SGCD: variants seen among roughly 807,000 people sequenced by gnomAD.
SGCD encodes the protein delta-sarcoglycan.
In SGCD, 18 loss-of-function variants were observed where a neutral mutation model predicts 36.6. That is an observed-to-expected ratio of 0.49 (90% confidence interval 0.34 to 0.73). SGCD has a LOEUF of 0.73. SGCD is among the 30% of genes least tolerant of loss of function. The pLI is 0.01. For synonymous variants in SGCD, 133 were observed against 130.6 expected, an observed-to-expected ratio of 1.02 and a Z score of -0.12; for missense variants, 387 against 346.7, an observed-to-expected ratio of 1.12 and a Z score of -0.92.
rs772669913 is a variant in SGCD at position 156,024,422 on chromosome 5, G to T, written c.-281-93456G>T. On this transcript the variant is annotated intron_variant, in intron 1 of 9. Transcript: ENST00000517913. ...AAAGTTAGTGGGGAAAGCAGACACA[G>T]ATAAAATTCAGTTTTTTGCATTTCC... 4.6e-5 allele frequency among the ~76,000 whole-genome samples: 7 copies of T among 151,076 alleles called. No homozygotes were observed. The East Asian group carries it at 1.2e-3, about 25-fold the overall frequency.
chr5:155,785,002 T>A, the SGCD span, among the ~76,000 whole-genome samples: 1 of 152,128 alleles, frequency 6.6e-6, no homozygotes, highest in Non-Finnish European at 1.5e-5. Flanking sequence ...AGTTTGAAGT[T>A]GAATATATCC....
chr5:156,150,677 G>A (rs185738179), intron 3 of SGCD, among the ~76,000 whole-genome samples: 215 of 151,774 alleles, frequency 1.4e-3, no homozygotes, highest in Non-Finnish European at 2.4e-3. Flanking sequence ...TGGCTTCCCC[G>A]CAGTGATCTT....
At chr5:155,727,910 G>A in the SGCD span, among the ~76,000 whole-genome samples, 4 of 152,196 alleles carry the variant, frequency 2.6e-5, no homozygotes, top group Non-Finnish European at 4.4e-5. Context: ...GGAGTGGAGA[G>A]GGGGCTCAAG....
At chr5:156,390,501 C>T (rs77038602) in intron 3 of SGCD, among the ~76,000 whole-genome samples, 4,014 of 152,200 alleles carry the variant, frequency 0.026, 170 homozygotes, top group African/African-American at 0.091. Context: ...GCCATGGCGG[C>T]GGGTGGATCA....
intron 3 of SGCD, among the ~76,000 whole-genome samples, chr5:156,370,502 G>A (rs1426162943): frequency 1.3e-5 from 2 of 152,164 alleles, no homozygotes; most frequent in Admixed American, 1.3e-4. Flanking sequence ...TTCAGAGTTT[G>A]TACATGAAAT....
At chr5:156,002,136 G>A (rs943091796) in intron 1 of SGCD, among the ~76,000 whole-genome samples, 3 of 152,154 alleles carry the variant, frequency 2.0e-5, no homozygotes, top group South Asian at 2.1e-4. Flanking sequence ...TGGAGCTCGC[G>A]TCTTTAAAGA....
chr5:156,124,965 G>T (rs1206300646), intron 3 of SGCD, among the ~76,000 whole-genome samples: 3 of 152,150 alleles, frequency 2.0e-5, no homozygotes, highest in Admixed American at 1.3e-4. Context: ...GCAAGAAAGG[G>T]TCAGGGGCCA....
At chr5:156,717,811 T>TC (rs1561873715) in intron 7 of SGCD, among the ~76,000 whole-genome samples, 1 of 152,068 alleles carries the variant, frequency 6.6e-6, no homozygotes, top group Admixed American at 6.6e-5. Flanking sequence ...ATGTCTTTGC[T>TC]TGGTCTCTCC....
intron 7 of SGCD, among the ~76,000 whole-genome samples, chr5:156,740,717 C>T (rs923744984): frequency 7.2e-5 from 11 of 152,292 alleles, no homozygotes; most frequent in Admixed American, 6.5e-4. Context: ...AGTCAGTCTA[C>T]GTCAATGGTT....
intron 3 of SGCD, among the ~76,000 whole-genome samples, chr5:156,413,036 A>G (rs936892713): frequency 5.6e-4 from 85 of 151,742 alleles, no homozygotes; most frequent in African/African-American, 2.0e-3. Flanking sequence ...TGACCTCATG[A>G]TCCACCTGCC....
rs995095170 is a variant in SGCD at position 156,163,805 on chromosome 5, G to C, written c.-44+39786G>C. The stretch of plus-strand genomic sequence containing the variant: ...GGAGGCCGAGGCGGGTGGATCACAA[G>C]GTCAGGAGATCGAGACCATCCTGGC... On this transcript the variant is annotated intron_variant, in intron 3 of 9. Coordinates refer to the SGCD transcript ENST00000517913. 1.2e-4 allele frequency among the ~76,000 whole-genome samples: 18 copies of C among 151,460 alleles called. 1 individual carries two copies. Among genetic ancestry groups the C allele is most frequent in the African/African-American group, 3.9e-4 (16 of 40,886 alleles).
At chr5:156,009,045 T>A (rs1423367501) in intron 1 of SGCD, among the ~76,000 whole-genome samples, 1 of 152,066 alleles carries the variant, frequency 6.6e-6, no homozygotes, top group Non-Finnish European at 1.5e-5. Context: ...TTCTCATGGT[T>A]ATTTGATCTT....
At chr5:155,813,319 C>T in the SGCD span, among the ~76,000 whole-genome samples, 1 of 151,986 alleles carries the variant, frequency 6.6e-6, no homozygotes, top group Non-Finnish European at 1.5e-5. Context: ...GAAAGAAAGG[C>T]AAACTATCAA....
chr5:156,140,605 G>A (rs1762557213), intron 3 of SGCD, among the ~76,000 whole-genome samples: 1 of 152,148 alleles, frequency 6.6e-6, no homozygotes, highest in Non-Finnish European at 1.5e-5. Context: ...TCTAGGCGGA[G>A]TGTTTAGGGT....
chr5:156,488,159 C>T lies in SGCD; in HGVS notation c.193-20442C>T, dbSNP rs566835790. On this transcript the variant is annotated intron_variant, in intron 3 of 8. Transcript: ENST00000337851. Reference sequence around the variant, plus strand: ...AGTTAGACAAAAAATAAAAAGAAAACAGTGAAAAAAGTCTGCCTAACATAT... The same window carrying T: ...AGTTAGACAAAAAATAAAAAGAAAATAGTGAAAAAAGTCTGCCTAACATAT... 3.4e-4 allele frequency among the ~76,000 whole-genome samples: 25 copies of T among 74,354 alleles called. No individual in the cohort carries two copies. In the South Asian group the frequency reaches 9.8e-3, roughly 29 times the overall value. The allele number at this position is 74,354 out of a possible 152,430, so 48.8% of individuals were successfully genotyped here.
chr5:156,686,532 C>T (rs1753911150), intron 7 of SGCD, among the ~76,000 whole-genome samples: 1 of 152,176 alleles, frequency 6.6e-6, no homozygotes, highest in Non-Finnish European at 1.5e-5. Flanking sequence ...TAGTATCTTG[C>T]ACACCATGGG....
rs9918137 is a variant in SGCD at position 156,495,678 on chromosome 5, A to C, written c.193-12923A>C. Reference sequence around the variant, plus strand: ...GCAGGGATTGTGATGGTAGGAATTTAATCTGAACACTTGGCATAGGCCTAA... The same window carrying C: ...GCAGGGATTGTGATGGTAGGAATTTCATCTGAACACTTGGCATAGGCCTAA... On this transcript the variant is annotated intron_variant, in intron 3 of 8. Coordinates refer to ENST00000337851, the MANE Select transcript of SGCD (RefSeq NM_000337.6). Among the ~76,000 whole-genome samples, 529 of 152,278 alleles carry C rather than the reference A, an allele frequency of 3.5e-3. 1 individual carries two copies. Among genetic ancestry groups the C allele is most frequent in the African/African-American group, 0.012 (499 of 41,570 alleles).
intron 1 of SGCD, among the ~76,000 whole-genome samples, chr5:156,014,975 C>T (rs887100839): frequency 1.3e-5 from 2 of 152,150 alleles, no homozygotes; most frequent in African/African-American, 4.8e-5. Flanking sequence ...ATGTCGTGAC[C>T]ATCTCCCCTT....
chr5:156,705,653 T>C (rs997079284), intron 7 of SGCD, among the ~76,000 whole-genome samples: 1 of 152,190 alleles, frequency 6.6e-6, no homozygotes, highest in African/African-American at 2.4e-5. Flanking sequence ...CAGAGAGATA[T>C]AGTCTGTACT....
Sources: allele counts gnomAD v4.1 joint callset (sites outside exome capture counted in the v4.1 genomes callset), GRCh38; gene constraint gnomAD v4.1.1; transcripts MANE v1.5; gene names NCBI Gene and HGNC (gene_info 2026-07-23, HGNC 2026-07-21).